Variants in GPHN observed in about 807,000 individuals in gnomAD.
The protein encoded by GPHN is gephyrin.
Under a neutral mutation model 95.5 loss-of-function variants are expected in GPHN, and 17 were observed. That is an observed-to-expected ratio of 0.18 (90% CI 0.12 to 0.27). The LOEUF (loss-of-function observed/expected upper bound fraction) is 0.27. GPHN is among the 10% of genes least tolerant of loss of function. The probability of loss-of-function intolerance (pLI) is 1.00; values close to 1 mark genes in which losing one functional copy is unlikely to be tolerated. For missense variants in GPHN, 660 were observed against 978.1 expected (o/e 0.67, Z 4.34); for synonymous variants, 320 against 322.5 (o/e 0.99, Z 0.08).
the GPHN span, among the ~76,000 whole-genome samples, chr14:67,266,193 T>C: frequency 6.6e-6 from 1 of 152,176 alleles, no homozygotes; most frequent in Non-Finnish European, 1.5e-5. Flanking sequence ...AATATATATT[T>C]ATTTAAAAGT....
At chr14:67,342,069 C>G in the GPHN span, among the ~76,000 whole-genome samples, 1 of 151,982 alleles carries the variant, frequency 6.6e-6, no homozygotes, top group African/African-American at 2.4e-5. Context: ...GGGTCCTCTG[C>G]CTAGGAAAAC....
intron 2 of GPHN, among the ~76,000 whole-genome samples, chr14:66,739,281 A>G (rs554098140): frequency 2.0e-5 from 3 of 151,086 alleles, no homozygotes; most frequent in Admixed American, 6.6e-5. Flanking sequence ...CAGTGGCACA[A>G]TCTCGGCGTA....
chr14:67,647,529 C>T, the GPHN span: 1 of 156,180 alleles, frequency 6.4e-6, no homozygotes, highest in African/African-American at 2.4e-5. Context: ...TTAGCTTCAG[C>T]CTTTGGACAC....
chr14:66,795,564 T>C (rs1206565641), intron 3 of GPHN, among the ~76,000 whole-genome samples: 1 of 148,440 alleles, frequency 6.7e-6, no homozygotes, highest in Non-Finnish European at 1.5e-5. Context: ...ATTCTTCGAA[T>C]GTGTTTTAGG....
At position 66,943,371 on chromosome 14, in the gene GPHN, G is replaced by A. The variant is rs114055493; in HGVS notation, c.828+19079G>A. On this transcript the variant is annotated intron_variant, in intron 8 of 22. Coordinates refer to ENST00000478722, the MANE Select transcript of GPHN (RefSeq NM_020806.5). ...AAACCTGATAAGTTGTTTTCATTAT[G>A]TGCTAGGTGCTGCCAAGGCTTAACT... 2.5e-3 allele frequency among the ~76,000 whole-genome samples: 381 copies of A among 152,116 alleles called. 9 individuals are homozygous for A. Among genetic ancestry groups the A allele is most frequent in the East Asian group, 0.018 (91 of 5,186 alleles).
intron 12 of GPHN, among the ~76,000 whole-genome samples, chr14:67,095,579 C>T (rs1404934874): frequency 6.6e-6 from 1 of 152,050 alleles, no homozygotes; most frequent in Non-Finnish European, 1.5e-5. Flanking sequence ...CACATATACA[C>T]CATGGAATAC....
the GPHN span, chr14:67,337,516 C>CA: frequency 0.074 from 8,548 of 116,164 alleles, 488 homozygotes; most frequent in African/African-American, 0.18. Context: ...GACTCTGTTT[C>CA]AAAAAAAAAA....
chr14:66,744,856 AT>A (rs59944022), intron 2 of GPHN, among the ~76,000 whole-genome samples: 33,446 of 151,490 alleles, frequency 0.22, 4,945 homozygotes, highest in East Asian at 0.46. Flanking sequence ...TAGCAATGCA[AT>A]TTTTTTTTAT....
the GPHN span, chr14:67,662,528 C>A: frequency 1.2e-6 from 2 of 1,611,570 alleles, no homozygotes; most frequent in Non-Finnish European, 1.7e-6. Context: ...TCAATTTCTT[C>A]TTTTCTTCTA....
chr14:67,379,417 A>G, the GPHN span, among the ~76,000 whole-genome samples: 1 of 152,046 alleles, frequency 6.6e-6, no homozygotes, highest in Non-Finnish European at 1.5e-5. Context: ...TTTCTTAACC[A>G]TTTGTATTTC....
chr14:66,748,827 G>A lies in GPHN; in HGVS notation c.144-27637G>A, dbSNP rs970914310. Among the ~76,000 whole-genome samples the A allele has an allele frequency of 9.2e-5, 14 of 151,804 alleles. No individual in the cohort carries two copies. In the South Asian group the frequency reaches 2.1e-3, roughly 22 times the overall value. ...GCATGAAGCAAAGTTTGCCTAAAAC[G>A]AACTATAAGAAAGCAAAGATGTCAA... On this transcript the variant is annotated intron_variant, in intron 2 of 22. Coordinates refer to ENST00000478722, the MANE Select transcript of GPHN (RefSeq NM_020806.5).
chr14:67,500,004 G>T, the GPHN span, among the ~76,000 whole-genome samples: 1 of 152,048 alleles, frequency 6.6e-6, no homozygotes. Flanking sequence ...ATTGATACTT[G>T]TAACTCCCAG....
At chr14:66,621,606 G>A (rs868511616) in intron 1 of GPHN, among the ~76,000 whole-genome samples, 3 of 150,542 alleles carry the variant, frequency 2.0e-5, no homozygotes, top group African/African-American at 7.4e-5. Flanking sequence ...TTGTATTTTA[G>A]TAGAGACGGG....
At chr14:67,567,523 G>A in the GPHN span, among the ~76,000 whole-genome samples, 3 of 151,716 alleles carry the variant, frequency 2.0e-5, no homozygotes, top group Non-Finnish European at 4.4e-5. Context: ...TTTTACTTGG[G>A]CTCGATGTAT....
chr14:66,991,294 CA>C (rs2071402851), intron 9 of GPHN, among the ~76,000 whole-genome samples: 1 of 151,972 alleles, frequency 6.6e-6, no homozygotes, highest in South Asian at 2.1e-4. Flanking sequence ...TTAATGACTA[CA>C]AAAATTACTA....
the GPHN span, chr14:67,659,877 G>A: frequency 2.5e-6 from 4 of 1,614,150 alleles, no homozygotes; most frequent in South Asian, 2.2e-5. Context: ...ATGGGGTTTC[G>A]GAAAGACAGG....
At chr14:66,784,727 A>G (rs1214056076) in intron 3 of GPHN, among the ~76,000 whole-genome samples, 1 of 152,208 alleles carries the variant, frequency 6.6e-6, no homozygotes, top group Non-Finnish European at 1.5e-5. Context: ...AAGTATACAA[A>G]GCAATATACT....
chr14:66,562,488 A>C (rs1330406378), intron 1 of GPHN, among the ~76,000 whole-genome samples: 1 of 152,126 alleles, frequency 6.6e-6, no homozygotes, highest in African/African-American at 2.4e-5. Flanking sequence ...GGTGGGGGAA[A>C]CAGATAAGAG....
chr14:67,624,007 A>AT, the GPHN span, among the ~76,000 whole-genome samples: 34 of 151,498 alleles, frequency 2.2e-4, no homozygotes, highest in African/African-American at 6.1e-4. Context: ...TGCCTGGATA[A>AT]TTTTTTTTTC....
Sources: allele counts gnomAD v4.1 joint callset (sites outside exome capture counted in the v4.1 genomes callset), GRCh38; gene constraint gnomAD v4.1.1; transcripts MANE v1.5; gene names NCBI Gene and HGNC (gene_info 2026-07-23, HGNC 2026-07-21).